The following NLRP1 variants were observed in gnomAD, a reference collection of about 807,000 sequenced individuals.
NLRP1 encodes the protein NLR family pyrin domain containing 1.
Under a neutral mutation model 136.7 loss-of-function variants are expected in NLRP1, and 94 were observed. The observed-to-expected ratio is 0.69, with a 90% CI of 0.58 to 0.82. The LOEUF is 0.82. Ranked by LOEUF, NLRP1 falls within the 40% of genes least tolerant of loss-of-function variation. NLRP1 has a pLI of 0.00. For missense variants in NLRP1, 1,575 were observed against 1,802.7 expected (o/e 0.87, Z 2.29); for synonymous variants, 690 against 725.1 (o/e 0.95, Z 0.78).
At chr17:5,576,787 G>A (rs1905064405) in intron 3 of NLRP1, among the ~76,000 whole-genome samples, 1 of 152,060 alleles carries the variant, frequency 6.6e-6, no homozygotes, top group Non-Finnish European at 1.5e-5. Flanking sequence ...TGATACCAAA[G>A]CCTGGCAGAG....
chr17:5,538,173 G>C (rs1216328781), intron 7 of NLRP1, among the ~76,000 whole-genome samples: 1 of 152,118 alleles, frequency 6.6e-6, no homozygotes, highest in Non-Finnish European at 1.5e-5. Flanking sequence ...AGGGCCCCTG[G>C]CAGGAGCCGT....
In NLRP1 at chr17:5,541,394, T is replaced by C. The variant is rs182511568; in HGVS notation, c.2699+463A>G. On this transcript the variant is annotated intron_variant, in intron 6 of 16. Transcript: ENST00000572272. The surrounding 1 kb of genome is among the most constrained non-coding windows in gnomAD (Gnocchi z 4.2). ...GATGGCTCTGTCCCCTCGGATGAGATAGTAAATCGAACTAAGTGGACACCA... is the reference window on the plus strand; with the variant it reads ...GATGGCTCTGTCCCCTCGGATGAGACAGTAAATCGAACTAAGTGGACACCA... Among the ~76,000 whole-genome samples, 3 of 152,080 alleles carry C rather than the reference T, an allele frequency of 2.0e-5. No homozygotes were observed. The highest frequency in any genetic ancestry group is 2.9e-5 in the Non-Finnish European group (2 of 68,014).
intron 11 of NLRP1, among the ~76,000 whole-genome samples, chr17:5,531,335 C>T (rs1005205065): frequency 6.6e-6 from 1 of 152,206 alleles, no homozygotes; most frequent in Non-Finnish European, 1.5e-5. Flanking sequence ...TCCACCTCAG[C>T]TCCCTGAGTA....
chr17:5,536,757 G>C, intron 8 of NLRP1, 94 bp downstream of exon 8: 2 of 830,996 alleles, frequency 2.4e-6, no homozygotes, highest in Non-Finnish European at 4.1e-6. Context: ...GTTTCTCCCT[G>C]GCTGTGTTTG....
intron 8 of NLRP1, among the ~76,000 whole-genome samples, chr17:5,535,984 C>T (rs1010004098): frequency 4.6e-5 from 7 of 152,042 alleles, no homozygotes; most frequent in Admixed American, 2.6e-4. Flanking sequence ...AGGGCACAGG[C>T]GCTCTCTCTC....
chr17:5,550,936 C>T (rs1418511863), intron 5 of NLRP1, among the ~76,000 whole-genome samples: 4 of 152,102 alleles, frequency 2.6e-5, no homozygotes, highest in Non-Finnish European at 5.9e-5. Context: ...CCCATATACT[C>T]CCTGTCCCCA....
At chr17:5,523,208 C>G (rs1909115017) in intron 12 of NLRP1, among the ~76,000 whole-genome samples, 1 of 152,100 alleles carries the variant, frequency 6.6e-6, no homozygotes, top group African/African-American at 2.4e-5. Flanking sequence ...ATCACTTGAA[C>G]CCAGAAGTTC....
chr17:5,571,069 G>A (rs1915815752), intron 3 of NLRP1, among the ~76,000 whole-genome samples: 1 of 152,108 alleles, frequency 6.6e-6, no homozygotes, highest in Non-Finnish European at 1.5e-5. Context: ...ATCCTTCAAT[G>A]TTAAAACTCT....
chr17:5,550,249 T>C (rs1289326684), intron 5 of NLRP1, among the ~76,000 whole-genome samples: 1 of 152,200 alleles, frequency 6.6e-6, no homozygotes, highest in African/African-American at 2.4e-5. Flanking sequence ...CTGCTATTTT[T>C]GGAAGAGTTT....
At chr17:5,549,330 G>C (rs2080640233) in intron 5 of NLRP1, among the ~76,000 whole-genome samples, 1 of 151,302 alleles carries the variant, frequency 6.6e-6, no homozygotes, top group African/African-American at 2.4e-5. Flanking sequence ...CCAGGTTGGA[G>C]TGCAGTGGCA....
At chr17:5,557,027 G>A (rs925493203) in intron 4 of NLRP1, among the ~76,000 whole-genome samples, 11 of 151,894 alleles carry the variant, frequency 7.2e-5, no homozygotes, top group South Asian at 2.1e-4. Context: ...TTTTTGAGAC[G>A]GAGTCTGGCT....
intron 5 of NLRP1, among the ~76,000 whole-genome samples, chr17:5,552,841 C>A (rs1254206092): frequency 1.3e-5 from 2 of 152,238 alleles, no homozygotes; most frequent in Admixed American, 6.5e-5. Flanking sequence ...GGTTTCCCAG[C>A]CTCTACTTTT....
At position 5,521,656 on chromosome 17, in the gene NLRP1, G is replaced by A; in HGVS notation, c.3651C>T (p.Val1217=). ...GGGCATTATGGATCATTTTCAGGAG[G>A]ACTCCCAAGGGGGAGAAGCTGGGGT... ...LENPSFSPLG[V]LLKMIHNALR... is the part of the protein sequence containing the mutation. Residue 1217 remains valine, a synonymous_variant, in exon 13 of 17, where the codon GTC becomes GTT. Coordinates refer to ENST00000572272, the MANE Select transcript of NLRP1 (RefSeq NM_033004.4). 1 of 1,614,008 alleles carries A rather than the reference G, an allele frequency of 6.2e-7. No homozygotes were observed. The highest frequency in any genetic ancestry group is 1.1e-5 in the South Asian group (1 of 91,064).
Position 5,584,433 on chromosome 17 carries a change from G to A in NLRP1, c.-476C>T, listed in dbSNP as rs115371403. ...CTTTCAGAACCCAGAGTGGAGCCCC[G>A]GGCTGCTGGCTCCCAGGTTTCTTCA... On this transcript the variant is annotated 5_prime_UTR_variant, in exon 1 of 17. Transcript: ENST00000572272. The A allele has an allele frequency of 0.017, 2,802 of 163,264 alleles. 78 individuals are homozygous for A. The highest frequency in any genetic ancestry group is 0.062 in the African/African-American group (2,594 of 41,674). The allele number at this position is 163,264 out of a possible 1,614,324, so 10.1% of individuals were successfully genotyped here.
At chr17:5,513,369 T>C (rs759166067), downstream of NLRP1, among the ~76,000 whole-genome samples, 1 of 152,340 alleles carries the variant, frequency 6.6e-6, no homozygotes, top group African/African-American at 2.4e-5. Flanking sequence ...TAAGATTACA[T>C]GCATGAGCCA....
In NLRP1 at chr17:5,514,966, G is replaced by A. The variant is rs1907891175; in HGVS notation, c.4210C>T (p.His1404Tyr). ...TSVEVVLDKL[H>Y]GQVLSQEQYE... ...TGCTCCTGGCTCAGCACCTGTCCAT[G>A]CAGTTTGTCCAAGACAACCTCCACC... Residue 1404 changes from histidine to tyrosine, a missense_variant, in exon 17 of 17, where the codon CAT (histidine) becomes TAT (tyrosine). Physicochemically the swap from His to Tyr is moderately conservative, Grantham distance 83. Transcript: ENST00000572272. 1 of 1,614,174 alleles carries A rather than the reference G, an allele frequency of 6.2e-7. No individual in the cohort carries two copies. Among genetic ancestry groups the A allele is most frequent in the East Asian group, 2.2e-5 (1 of 44,880 alleles).
At chr17:5,506,902 C>CAAAAAAA (rs199684717) in intron 15 of NLRP1, among the ~76,000 whole-genome samples, 1 of 88,806 alleles carries the variant, frequency 1.1e-5, no homozygotes, top group African/African-American at 3.6e-5. Context: ...AACTCCATCT[C>CAAAAAAA]AAAAAAAAAA....
At chr17:5,512,552 A>G (rs973401668), downstream of NLRP1, 5 of 556,396 alleles carry the variant, frequency 9.0e-6, no homozygotes, top group Admixed American at 6.1e-5. Flanking sequence ...GGTTGTGTGG[A>G]GAGTGGAGGT....
intron 4 of NLRP1, 50 bp downstream of exon 4, chr17:5,558,289 G>T: frequency 6.5e-7 from 1 of 1,543,028 alleles, no homozygotes; most frequent in Non-Finnish European, 8.7e-7. Context: ...GGTCACTCGG[G>T]CTTATGGACT....
Sources: allele counts gnomAD v4.1 joint callset (sites outside exome capture counted in the v4.1 genomes callset), GRCh38; gene constraint gnomAD v4.1.1; non-coding constraint Gnocchi (gnomAD v3.1); transcripts MANE v1.5; gene names NCBI Gene and HGNC (gene_info 2026-07-23, HGNC 2026-07-21).